Variants in PCDHA6 observed in about 807,000 individuals in gnomAD.
PCDHA6 encodes the protein protocadherin alpha-6.
In PCDHA6, 55 loss-of-function variants were observed where a neutral mutation model predicts 60.3. That is an observed-to-expected ratio of 0.91 (90% CI 0.73 to 1.14). PCDHA6 has a LOEUF of 1.14. PCDHA6 is among the 50% of genes most tolerant of loss of function. PCDHA6 has a pLI of 0.00. For synonymous variants in PCDHA6, 652 were observed against 557.9 expected, an observed-to-expected ratio of 1.17 and a Z score of -2.38; for missense variants, 1,327 against 1,256.5, an observed-to-expected ratio of 1.06 and a Z score of -0.85.
chr5:140,842,561 G>A (rs2150339210), intron 1 of PCDHA6: 1 of 1,492,420 alleles, frequency 6.7e-7, no homozygotes, highest in Admixed American at 1.9e-5. Context: ...CAGCGCCCTG[G>A]ACCGCGAGAG....
intron 1 of PCDHA6, chr5:140,851,731 T>C (rs1554145521): frequency 3.1e-6 from 3 of 971,456 alleles, no homozygotes; most frequent in African/African-American, 3.5e-5. Flanking sequence ...TCGAGTTCTT[T>C]TGAAATTCAG....
At chr5:140,859,436 A>C (rs868952272) in intron 1 of PCDHA6, 6 of 225,632 alleles carry the variant, frequency 2.7e-5, no homozygotes, top group African/African-American at 1.2e-4. Flanking sequence ...AATGAAAGCT[A>C]ACTTAGTTGC....
intron 1 of PCDHA6, chr5:140,966,601 T>C: frequency 1.5e-6 from 1 of 652,170 alleles, no homozygotes; most frequent in East Asian, 3.4e-5. Flanking sequence ...CCAGGAGCCC[T>C]TGGGAGGGCC....
rs2150214360 is a variant in PCDHA6, at chr5:140,834,230, C to A, written c.2394+3745C>A. On this transcript the variant is annotated intron_variant, in intron 1 of 3. Coordinates refer to ENST00000529310, the MANE Select transcript of PCDHA6 (RefSeq NM_018909.4). Reference sequence around the variant, plus strand: ...TCTTTCGTAATCAGCAAAAGGAAGTCATTCCTTTTCGCACTGGAAAGACGC... The same window carrying A: ...TCTTTCGTAATCAGCAAAAGGAAGTAATTCCTTTTCGCACTGGAAAGACGC... 11 of 727,690 alleles carry A rather than the reference C, an allele frequency of 1.5e-5. No individual in the cohort carries two copies. In the African/African-American group the frequency reaches 1.8e-4, roughly 12 times the overall value. The allele number at this position is 727,690 out of a possible 1,614,324, so 45.1% of individuals were successfully genotyped here. A position where few individuals can be genotyped will look rare whatever the true frequency, so the allele number is the denominator to read the frequency against.
At chr5:140,969,317 G>C in intron 1 of PCDHA6, 1 of 1,614,156 alleles carries the variant, frequency 6.2e-7, no homozygotes, top group African/African-American at 1.3e-5. Context: ...AAATGAGGCT[G>C]TTTCTCAAAA....
chr5:140,927,098 A>G (rs1554204018), intron 1 of PCDHA6: 4 of 1,613,286 alleles, frequency 2.5e-6, no homozygotes, highest in Non-Finnish European at 3.4e-6. Flanking sequence ...TTCGGGGTGG[A>G]TCTACCCAGC....
Position 140,883,565 on chromosome 5 carries a change from C to T in PCDHA6, c.2394+53080C>T, listed in dbSNP as rs139159217. On this transcript the variant is annotated intron_variant, in intron 1 of 3. Transcript: ENST00000529310. ...GGTGACCGCGCGGGACGGGGGCTCG[C>T]CTTCGCTGTGGGCCACGGCCAGCGT... is the stretch of plus-strand genomic sequence containing the variant. 6.5e-5 allele frequency: 105 copies of T among 1,614,180 alleles called. 1 individual carries two copies. In the African/African-American group the frequency reaches 1.3e-3, roughly 20 times the overall value.
chr5:140,850,912 T>G (rs2150501930), intron 1 of PCDHA6: 2 of 1,541,844 alleles, frequency 1.3e-6, no homozygotes, highest in South Asian at 2.5e-5. Context: ...AGCATTTTAT[T>G]TATTTATATA....
At chr5:140,959,549 A>G (rs1240469168) in intron 1 of PCDHA6, among the ~76,000 whole-genome samples, 1 of 152,248 alleles carries the variant, frequency 6.6e-6, no homozygotes, top group East Asian at 1.9e-4. Flanking sequence ...TGCTGTATAA[A>G]TAGAATCAGT....
intron 1 of PCDHA6, chr5:140,858,598 T>C: frequency 7.7e-7 from 1 of 1,294,926 alleles, no homozygotes; most frequent in Non-Finnish European, 1.1e-6. Context: ...TTCCAGGAGT[T>C]TTAAAATTTT....
chr5:140,989,889 C>T (rs1220430844), intron 3 of PCDHA6, among the ~76,000 whole-genome samples: 3 of 151,522 alleles, frequency 2.0e-5, no homozygotes, highest in Admixed American at 6.6e-5. Flanking sequence ...TTGGAGTCTC[C>T]GTTATTCACA....
At chr5:140,850,611 G>A (rs1353719119) in intron 1 of PCDHA6, 2 of 1,598,474 alleles carry the variant, frequency 1.3e-6, no homozygotes, top group Non-Finnish European at 1.7e-6. Context: ...CGCCATCTGC[G>A]CGGTGTCTAG....
rs2150361348 is a variant in PCDHA6, at chr5:140,843,506, G to T, written c.2394+13021G>T. 1.9e-6 allele frequency: 3 copies of T among 1,596,028 alleles called. No homozygotes were observed. The East Asian group carries it at 6.7e-5, about 36-fold the overall frequency. On this transcript the variant is annotated intron_variant, in intron 1 of 3. Coordinates refer to ENST00000529310, the MANE Select transcript of PCDHA6 (RefSeq NM_018909.4). ...GCTGCGGTGCTCAGCACTGCCCACT[G>T]AGGGCGGGTGCCGGGCGGGCAAGCC...
intron 1 of PCDHA6, chr5:140,966,581 G>A: frequency 1.9e-6 from 1 of 535,414 alleles, no homozygotes; most frequent in Non-Finnish European, 3.0e-6. Flanking sequence ...AGTCAGCGAG[G>A]ACGGTGGGGC....
chr5:140,828,269 G>T lies in PCDHA6; in HGVS notation c.178G>T (p.Val60Leu), dbSNP rs2150153338. ...QDLGLELAEL[V>L]PRLFRMASKD... Reference sequence around the variant, plus strand: ...CCTGGGGCTGGAGCTGGCGGAGCTGGTGCCGCGCCTGTTCAGGATGGCCTC... The same window carrying T: ...CCTGGGGCTGGAGCTGGCGGAGCTGTTGCCGCGCCTGTTCAGGATGGCCTC... Residue 60 changes from valine (V) to leucine (L), a missense_variant, in exon 1 of 4, where the codon GTG becomes TTG. Physicochemically the swap from Val to Leu is conservative, Grantham distance 32 (BLOSUM62 1). Transcript: ENST00000529310. 1 of 1,614,058 alleles carries T rather than the reference G, an allele frequency of 6.2e-7. No individual in the cohort carries two copies. The highest frequency in any genetic ancestry group is 1.7e-5 in the Admixed American group (1 of 60,032).
chr5:140,899,253 A>T (rs1340284203), intron 1 of PCDHA6, among the ~76,000 whole-genome samples: 1 of 152,284 alleles, frequency 6.6e-6, no homozygotes, highest in East Asian at 1.9e-4. Context: ...GAGAGAGGGC[A>T]TCCCTGTCTT....
intron 1 of PCDHA6, among the ~76,000 whole-genome samples, chr5:140,844,589 T>C (rs1779449903): frequency 1.3e-5 from 2 of 149,642 alleles, no homozygotes; most frequent in East Asian, 3.9e-4. Flanking sequence ...TAAAGTGATA[T>C]TTAATATATG....
At position 140,834,754 on chromosome 5, in the gene PCDHA6, A is replaced by G. The variant is rs2150225554; in HGVS notation, c.2394+4269A>G. 43 of 1,614,038 alleles carry G rather than the reference A, an allele frequency of 2.7e-5. 1 individual carries two copies. The South Asian group carries it at 3.7e-4, about 14-fold the overall frequency. Reference sequence around the variant, plus strand: ...GTTTTCCATGTGGACGTGGAGGTGAAGGACATTAACGACAACCCTCCGGTG... The same window carrying G: ...GTTTTCCATGTGGACGTGGAGGTGAGGGACATTAACGACAACCCTCCGGTG... On this transcript the variant is annotated intron_variant, in intron 1 of 3. Coordinates refer to ENST00000529310, the MANE Select transcript of PCDHA6 (RefSeq NM_018909.4).
intron 1 of PCDHA6, among the ~76,000 whole-genome samples, chr5:140,844,747 T>A (rs1779528592): frequency 6.7e-6 from 1 of 149,678 alleles, no homozygotes; most frequent in South Asian, 2.1e-4. Context: ...TATTATGGGA[T>A]AAATCTTTGA....
Sources: allele counts gnomAD v4.1 joint callset (sites outside exome capture counted in the v4.1 genomes callset), GRCh38; gene constraint gnomAD v4.1.1; transcripts MANE v1.5; gene names NCBI Gene and HGNC (gene_info 2026-07-23, HGNC 2026-07-21).